The following XIRP1 variants were observed in gnomAD, a reference collection of about 807,000 sequenced individuals.
XIRP1 encodes xin actin binding repeat containing 1, also known as xin actin-binding repeat-containing protein 1.
For synonymous variants in XIRP1, 984 were observed against 947.0 expected (o/e 1.04, Z -0.72); for missense variants, 2,378 against 2,345.4 (o/e 1.01, Z -0.29).
At position 39,186,323 on chromosome 3, in the gene XIRP1, A is replaced by G. The variant is rs990744602; in HGVS notation, c.3123T>C (p.Thr1041=). The G allele has an allele frequency of 9.3e-6, 15 of 1,613,926 alleles. No homozygotes were observed. The highest frequency in any genetic ancestry group is 1.3e-5 in the Non-Finnish European group (15 of 1,179,984). The change falls in exon 2 of 2, where the codon ACT becomes ACC. Residue 1041 remains threonine, a synonymous_variant. Transcript: ENST00000340369. ...CTGGGGCCCCAGGCCCCGGAGGGGT[A>G]GTCGTGGCTCCTTCTGACTTTCCCA... The part of the protein sequence containing the change: ...AVLGKSEGAT[T]TPPGPGAPDL...
rs369654370 is a variant in XIRP1, at chr3:39,188,789, T to C, written c.657A>G (p.Ser219=). ...CATCACCCTTCAGCTCCTGGATCTC[T>C]GAGCGCAGTTCCAAGGGGCTCTGCT... is the stretch of plus-strand genomic sequence containing the variant. The part of the protein sequence containing the change: ...LQEQSPLELR[S]EIQELKGDVK... Residue 219 remains serine (S), a synonymous_variant, in exon 2 of 2, where the codon TCA becomes TCG. Coordinates refer to ENST00000340369, the MANE Select transcript of XIRP1 (RefSeq NM_194293.4). 16 of 1,613,578 alleles carry C rather than the reference T, an allele frequency of 9.9e-6. No individual in the cohort carries two copies. In the African/African-American group the frequency reaches 2.0e-4, roughly 20 times the overall value.
At chr3:39,191,368 C>T (rs1304470034) in intron 1 of XIRP1, among the ~76,000 whole-genome samples, 3 of 150,804 alleles carry the variant, frequency 2.0e-5, no homozygotes, top group Admixed American at 6.6e-5. Context: ...CCCACCCCCG[C>T]CCCCAGGAAT....
rs546282796 is a variant in XIRP1 at position 39,189,176 on chromosome 3, G to A, written c.270C>T (p.Asp90=). The change falls in exon 2 of 2, where the codon GAC becomes GAT. Residue 90 remains aspartate, a synonymous_variant. Transcript: ENST00000340369. ...CAAAGATCCAGCGCATGCACTGAACGTCACCCTCGGTGGGTTCCTCAGAGC... is the reference window on the plus strand; with the variant it reads ...CAAAGATCCAGCGCATGCACTGAACATCACCCTCGGTGGGTTCCTCAGAGC... ...VLGSEEPTEG[D]VQCMRWIFEN... 8.0e-5 allele frequency: 129 copies of A among 1,614,052 alleles called. No homozygotes were observed. The highest frequency in any genetic ancestry group is 7.5e-5 in the Non-Finnish European group (89 of 1,180,046).
Position 39,187,422 on chromosome 3 carries a change from C to G in XIRP1, c.2024G>C (p.Cys675Ser), listed in dbSNP as rs1177967939. 1.2e-6 allele frequency: 2 copies of G among 1,614,096 alleles called. No homozygotes were observed. Among genetic ancestry groups the G allele is most frequent in the Admixed American group, 3.3e-5 (2 of 60,018 alleles). The change falls in exon 2 of 2, where the codon TGT (cysteine) becomes TCT (serine). Residue 675 changes from cysteine to serine, a missense_variant. By Grantham distance (112) the Cys-to-Ser change is moderately radical. Transcript: ENST00000340369. ...GCAGTATCTCACAGGCCGTCTTCCA[C>G]AGGGACGGCCTGAGGCCTGAAGAGG... ...TEPLQASGRPCGRRPVRYCSR... is the reference protein window; with the variant it reads ...TEPLQASGRPSGRRPVRYCSR...
rs760111742 is a variant in XIRP1 at position 39,187,853 on chromosome 3, G to A, written c.1593C>T (p.Ile531=). ...GCCGGGTGATGCCCCGCACCACGTC[G>A]ATGGTACTGGGGCTTCGGCCGAGCT... The part of the protein sequence containing the change: ...LDQLGRSPST[I]DVVRGITRQE... Residue 531 remains isoleucine (I), a synonymous_variant, in exon 2 of 2, where the codon ATC becomes ATT. Coordinates refer to ENST00000340369, the MANE Select transcript of XIRP1 (RefSeq NM_194293.4). The A allele has an allele frequency of 1.3e-5, 21 of 1,614,150 alleles. No homozygotes were observed. The highest frequency in any genetic ancestry group is 8.9e-5 in the East Asian group (4 of 44,870).
At position 39,187,795 on chromosome 3, in the gene XIRP1, G is replaced by T. The variant is rs575600096; in HGVS notation, c.1651C>A (p.Arg551=). 1.2e-6 allele frequency: 2 copies of T among 1,614,036 alleles called. No homozygotes were observed. Among genetic ancestry groups the T allele is most frequent in the South Asian group, 2.2e-5 (2 of 91,072 alleles). The change falls in exon 2 of 2, where the codon CGG becomes AGG. Residue 551 remains arginine (R), a synonymous_variant. Transcript: ENST00000340369. ...AGGGGCTGGGTCTCAAAAAGCCACC[G>T]AGCTGTGCCAACGTCCCCAGCCACC... The part of the protein sequence containing the change: ...EVVAGDVGTA[R]WLFETQPLEM...
Position 39,184,844 on chromosome 3 carries a change from C to T in XIRP1, c.4602G>A (p.Thr1534=), listed in dbSNP as rs373050320. The part of the protein sequence containing the change: ...QAFGELTRVS[T]EVAQLKEQTL... ...TCTGTTCCTTCAGTTGAGCAACTTCCGTGCTGACCCGTGTCAGCTCCCCAA... is the reference window on the plus strand; with the variant it reads ...TCTGTTCCTTCAGTTGAGCAACTTCTGTGCTGACCCGTGTCAGCTCCCCAA... Residue 1534 remains threonine, a synonymous_variant, in exon 2 of 2, where the codon ACG becomes ACA. Transcript: ENST00000340369. 1.5e-4 allele frequency: 249 copies of T among 1,611,254 alleles called. No homozygotes were observed. The highest frequency in any genetic ancestry group is 2.0e-4 in the Non-Finnish European group (232 of 1,177,652).
rs757425778 is a variant in XIRP1, at chr3:39,183,925, C to A, written c.5521G>T (p.Ala1841Ser). The A allele has an allele frequency of 6.2e-7, 1 of 1,610,004 alleles. No individual in the cohort carries two copies. Among genetic ancestry groups the A allele is most frequent in the Non-Finnish European group, 8.5e-7 (1 of 1,179,500 alleles). ...GGAGGCGGTGGGCCTCACTGGGCAG[C>A]TGGCTGGGAGTAGCTGCAGGACACC... is the stretch of plus-strand genomic sequence containing the variant. ...VQVSCSYSQP[A>S]AQ Residue 1841 changes from alanine to serine, a missense_variant, in exon 2 of 2, where the codon GCT becomes TCT. Physicochemically the swap from Ala to Ser is moderately conservative, Grantham distance 99. Coordinates refer to ENST00000340369, the MANE Select transcript of XIRP1 (RefSeq NM_194293.4).
Position 39,188,957 on chromosome 3 carries a change from CTT to C in XIRP1, c.487_488del (p.Lys163AlafsTer33), listed in dbSNP as rs2040042783. 1.9e-6 allele frequency: 3 copies of C among 1,613,778 alleles called. No individual in the cohort carries two copies. The highest frequency in any genetic ancestry group is 2.5e-6 in the Non-Finnish European group (3 of 1,180,030). On this transcript the variant is annotated frameshift_variant, in exon 2 of 2. Coordinates refer to ENST00000340369, the MANE Select transcript of XIRP1 (RefSeq NM_194293.4). LOFTEE classifies it low-confidence loss of function (END_TRUNC). ...CTTGCCCTGTCAGCTCGTCCAGTGG[CTT>C]TGTCTCAAATAGCCAGCGGGCTGCA... is the stretch of plus-strand genomic sequence containing the variant. ...VRAARWLFET[K>X]PLDELTGQAK...
rs760848717 is a variant in XIRP1, at chr3:39,188,850, G to A, written c.596C>T (p.Pro199Leu). The A allele has an allele frequency of 1.4e-5, 22 of 1,612,370 alleles. No individual in the cohort carries two copies. Among genetic ancestry groups the A allele is most frequent in the East Asian group, 6.7e-5 (3 of 44,880 alleles). ...QGTRMLFETRPLDRLGSRPSL... is the reference protein window; with the variant it reads ...QGTRMLFETRLLDRLGSRPSL... ...GGGGCGGGAGCCCAGGCGGTCCAGCGGCCGCGTCTCAAAGAGCATCCTGGT... is the reference window on the plus strand; with the variant it reads ...GGGGCGGGAGCCCAGGCGGTCCAGCAGCCGCGTCTCAAAGAGCATCCTGGT... Residue 199 changes from proline to leucine, a missense_variant, in exon 2 of 2, where the codon CCG becomes CTG. Coordinates refer to ENST00000340369, the MANE Select transcript of XIRP1 (RefSeq NM_194293.4).
In XIRP1 at chr3:39,188,468, C is replaced by T; in HGVS notation, c.978G>A (p.Glu326=). Residue 326 remains glutamate (E), a synonymous_variant, in exon 2 of 2, where the codon GAG becomes GAA. Coordinates refer to ENST00000340369, the MANE Select transcript of XIRP1 (RefSeq NM_194293.4). Reference sequence around the variant, plus strand: ...GGTCTGGGGATGGCTGGAAGTCCTTCTCATCTACCAAGATCTCCCGGATGG... The same window carrying T: ...GGTCTGGGGATGGCTGGAAGTCCTTTTCATCTACCAAGATCTCCCGGATGG... ...LDAIREILVD[E]KDFQPSPDLI... 1 of 1,601,716 alleles carries T rather than the reference C, an allele frequency of 6.2e-7. No individual in the cohort carries two copies. Among genetic ancestry groups the T allele is most frequent in the Non-Finnish European group, 8.5e-7 (1 of 1,171,606 alleles).
Position 39,184,943 on chromosome 3 carries a change from C to CA in XIRP1, c.4502dup (p.Pro1502AlafsTer50). ...GAGGAGCAGCCCCTCCCAGCTGGGG[C>CA]ACGGCCTCAAAGAGCCTCCGCAGGG... On this transcript the variant is annotated frameshift_variant, in exon 2 of 2. Coordinates refer to ENST00000340369, the MANE Select transcript of XIRP1 (RefSeq NM_194293.4). LOFTEE classifies it low-confidence loss of function (END_TRUNC). The CA allele has an allele frequency of 6.4e-7, 1 of 1,563,702 alleles. No individual in the cohort carries two copies. The highest frequency in any genetic ancestry group is 8.7e-7 in the Non-Finnish European group (1 of 1,155,370).
rs754412378 is a variant in XIRP1, at chr3:39,185,321, C to G, written c.4125G>C (p.Lys1375Asn). The G allele has an allele frequency of 8.1e-6, 13 of 1,614,102 alleles. No homozygotes were observed. The highest frequency in any genetic ancestry group is 1.6e-4 in the Middle Eastern group (1 of 6,084). Residue 1375 changes from lysine to asparagine, a missense_variant, in exon 2 of 2, where the codon AAG (lysine) becomes AAC (asparagine). Coordinates refer to ENST00000340369, the MANE Select transcript of XIRP1 (RefSeq NM_194293.4). Reference sequence around the variant, plus strand: ...GGCCCTGGTCTACAGTAGTGGGAACCTTGGCTGGCTGAGGGATGGCTGTAT... The same window carrying G: ...GGCCCTGGTCTACAGTAGTGGGAACGTTGGCTGGCTGAGGGATGGCTGTAT... ...ERDTAIPQPA[K>N]VPTTVDQGHI...
chr3:39,189,515 G>C lies in XIRP1; in HGVS notation c.-70C>G. The C allele has an allele frequency of 6.6e-7, 1 of 1,519,116 alleles. No individual in the cohort carries two copies. Among genetic ancestry groups the C allele is most frequent in the African/African-American group, 1.4e-5 (1 of 71,886 alleles). The allele number at this position is 1,519,116 out of a possible 1,614,324, so 94.1% of individuals were successfully genotyped here. On this transcript the variant is annotated 5_prime_UTR_variant, in exon 2 of 2. Transcript: ENST00000340369. Reference sequence around the variant, plus strand: ...TTAGATCTAGATGTTCAGCAGGGTAGAGGCTGGATGCTGGGAGAAATGGTA... The same window carrying C: ...TTAGATCTAGATGTTCAGCAGGGTACAGGCTGGATGCTGGGAGAAATGGTA...
rs746945463 is a variant in XIRP1 at position 39,189,193 on chromosome 3, C to T, written c.253G>A (p.Glu85Lys). 73 of 1,614,088 alleles carry T rather than the reference C, an allele frequency of 4.5e-5. No individual in the cohort carries two copies. Among genetic ancestry groups the T allele is most frequent in the Non-Finnish European group, 6.0e-5 (71 of 1,180,060 alleles). ...EDLAEVLGSE[E>K]PTEGDVQCMR... ...CACTGAACGTCACCCTCGGTGGGTTCCTCAGAGCCCAGGACCTCAGCCAGA... is the reference window on the plus strand; with the variant it reads ...CACTGAACGTCACCCTCGGTGGGTTTCTCAGAGCCCAGGACCTCAGCCAGA... Residue 85 changes from glutamate to lysine, a missense_variant, in exon 2 of 2, where the codon GAA (glutamate) becomes AAA (lysine). Glu to Lys is a moderately conservative substitution (Grantham distance 56). Coordinates refer to ENST00000340369, the MANE Select transcript of XIRP1 (RefSeq NM_194293.4).
intron 1 of XIRP1, among the ~76,000 whole-genome samples, chr3:39,191,795 G>A (rs2040091557): frequency 6.6e-6 from 1 of 152,172 alleles, no homozygotes; most frequent in Non-Finnish European, 1.5e-5. Context: ...CTTTACATCT[G>A]GGCAAATTCA....
intron 1 of XIRP1, among the ~76,000 whole-genome samples, chr3:39,191,639 G>A (rs1352001668): frequency 1.3e-5 from 2 of 152,210 alleles, no homozygotes; most frequent in African/African-American, 4.8e-5. Flanking sequence ...AGTCAGGACA[G>A]AATTCATAAC....
At chr3:39,189,636 C>G (rs1275025868) in intron 1 of XIRP1, 111 bp from the exon 2 acceptor site, 3 of 820,230 alleles carry the variant, frequency 3.7e-6, no homozygotes, top group African/African-American at 1.7e-5. Context: ...CACTTCGCTG[C>G]CTGCATGGTT....
Position 39,187,836 on chromosome 3 carries a change from A to G in XIRP1, c.1610T>C (p.Ile537Thr). The stretch of plus-strand genomic sequence containing the variant: ...CCCAGCCACCACTTCCTGCCGGGTG[A>G]TGCCCCGCACCACGTCGATGGTACT... ...SPSTIDVVRG[I>T]TRQEVVAGDV... The change falls in exon 2 of 2, where the codon ATC (isoleucine) becomes ACC (threonine). Residue 537 changes from isoleucine to threonine, a missense_variant. By Grantham distance (89) the Ile-to-Thr change is moderately conservative (BLOSUM62 -1). Transcript: ENST00000340369. The G allele has an allele frequency of 6.2e-7, 1 of 1,614,052 alleles. No homozygotes were observed. Among genetic ancestry groups the G allele is most frequent in the South Asian group, 1.1e-5 (1 of 91,064 alleles).
Sources: gnomAD v4.1 joint callset for allele counts (sites outside exome capture counted in the v4.1 genomes callset) on GRCh38, gnomAD v4.1.1 for gene constraint, MANE v1.5 for transcripts, NCBI Gene and HGNC (gene_info 2026-07-23, HGNC 2026-07-21) for gene names.